PCLO: variants seen among roughly 807,000 people sequenced by gnomAD.
The protein encoded by PCLO is protein piccolo.
A neutral mutation model predicts 427.5 loss-of-function variants in PCLO; 82 were observed. The observed-to-expected ratio is 0.19, with a 90% CI of 0.16 to 0.23. The LOEUF (loss-of-function observed/expected upper bound fraction) is 0.23. Ranked by LOEUF, PCLO falls within the 10% of genes least tolerant of loss-of-function variation. The pLI is 1.00. For synonymous variants in PCLO, 2,357 were observed against 2,155.4 expected, an observed-to-expected ratio of 1.09 and a Z score of -2.59; for missense variants, 6,239 against 6,115.9, an observed-to-expected ratio of 1.02 and a Z score of -0.67.
intron 3 of PCLO, among the ~76,000 whole-genome samples, chr7:83,097,994 TA>T (rs1245859498): frequency 2.0e-5 from 3 of 152,254 alleles, no homozygotes; most frequent in African/African-American, 7.2e-5. Context: ...TTTGTTAATA[TA>T]AAAATGTAAA....
chr7:82,771,910 T>G (rs1321414795), intron 22 of PCLO, among the ~76,000 whole-genome samples: 1 of 152,122 alleles, frequency 6.6e-6, no homozygotes, highest in Admixed American at 6.6e-5. Context: ...CTTACCCATT[T>G]CCTTTCCAAA....
chr7:82,856,453 A>G (rs1421946242), intron 10 of PCLO, among the ~76,000 whole-genome samples: 1 of 152,140 alleles, frequency 6.6e-6, no homozygotes, highest in East Asian at 1.9e-4. Flanking sequence ...ATTGGTATAG[A>G]TGCCAAAAGC....
intron 7 of PCLO, chr7:82,914,314 C>A: frequency 2.2e-6 from 1 of 454,062 alleles, no homozygotes; most frequent in Non-Finnish European, 3.8e-6. Flanking sequence ...TGACCAATAA[C>A]TTTTAAAATA....
intron 3 of PCLO, among the ~76,000 whole-genome samples, chr7:83,132,135 T>C (rs1398699534): frequency 6.6e-6 from 1 of 152,110 alleles, no homozygotes; most frequent in East Asian, 1.9e-4. Flanking sequence ...CCAAGTGAAC[T>C]TTACCTAGAA....
intron 7 of PCLO, among the ~76,000 whole-genome samples, chr7:82,912,287 T>C (rs992654465): frequency 2.3e-4 from 35 of 151,994 alleles, no homozygotes; most frequent in Non-Finnish European, 3.5e-4. Context: ...TGGAAAAAAG[T>C]AGTTTCTTCT....
At chr7:82,815,459 T>C (rs1421409040) in intron 20 of PCLO, among the ~76,000 whole-genome samples, 1 of 152,132 alleles carries the variant, frequency 6.6e-6, no homozygotes, top group African/African-American at 2.4e-5. Context: ...AATTAGGTAG[T>C]TGTAAAAATA....
At chr7:82,978,035 TA>T (rs1251484102) in intron 3 of PCLO, among the ~76,000 whole-genome samples, 5 of 152,082 alleles carry the variant, frequency 3.3e-5, no homozygotes, top group Non-Finnish European at 5.9e-5. Flanking sequence ...ATTAAAGTTT[TA>T]GTACCATTTG....
In PCLO at chr7:82,956,436, C is replaced by T. The variant is rs1795522299; in HGVS notation, c.4517G>A (p.Arg1506Lys). The change falls in exon 5 of 25, where the codon AGA becomes AAA. Residue 1506 changes from arginine to lysine, a missense_variant. Physicochemically the swap from Arg to Lys is conservative, Grantham distance 26. Transcript: ENST00000333891. ...TTCAACTGAATCATAAGGCTCTCTT[C>T]TAGTAGTTATGTCATCAACAAACTC... ...KSEFVDDITT[R>K]REPYDSVEES... The T allele has an allele frequency of 6.2e-7, 1 of 1,613,686 alleles. No homozygotes were observed. Among genetic ancestry groups the T allele is most frequent in the African/African-American group, 1.3e-5 (1 of 74,932 alleles).
In PCLO at chr7:83,134,552, T is replaced by C; in HGVS notation, c.2998A>G (p.Thr1000Ala). Residue 1000 changes from threonine to alanine, a missense_variant, in exon 3 of 25, where the codon ACA becomes GCA. Thr to Ala is a moderately conservative substitution (Grantham distance 58). This residue lies in a region of PCLO where 4,677 missense variants were observed against 4,468.4 expected (regional missense o/e 1.05). Coordinates refer to ENST00000333891, the MANE Select transcript of PCLO (RefSeq NM_033026.6). ...AATTTTTCAGCTGCTGGGGCTTTTG[T>C]TTCCTTTTTCACAGGTATACTTTTT... ...PAKSIPVKKE[T>A]KAPAAEKLEP... is the part of the protein sequence containing the mutation. 1 of 1,613,944 alleles carries C rather than the reference T, an allele frequency of 6.2e-7. No homozygotes were observed. The highest frequency in any genetic ancestry group is 1.1e-5 in the South Asian group (1 of 91,076).
chr7:82,871,466 G>T (rs1010348404), intron 10 of PCLO, among the ~76,000 whole-genome samples: 3 of 151,800 alleles, frequency 2.0e-5, no homozygotes, highest in Admixed American at 6.6e-5. Flanking sequence ...TGGTGTGGAG[G>T]GGGGAATGAT....
At chr7:82,811,561 T>G (rs1335495755) in intron 20 of PCLO, among the ~76,000 whole-genome samples, 2 of 151,700 alleles carry the variant, frequency 1.3e-5, no homozygotes, top group Admixed American at 6.6e-5. Flanking sequence ...CCTTGAATTA[T>G]GTACAATCAC....
rs181093956 is a variant in PCLO at position 82,999,615 on chromosome 7, T to C, written c.3301-33128A>G. Among the ~76,000 whole-genome samples the C allele has an allele frequency of 4.1e-3, 119 of 28,950 alleles. 26 individuals are homozygous for C. Among genetic ancestry groups the C allele is most frequent in the African/African-American group, 6.9e-3 (35 of 5,072 alleles). 19.0% of individuals were successfully genotyped at this position (28,950 alleles called of 152,430 possible). On this transcript the variant is annotated intron_variant, in intron 3 of 24. Transcript: ENST00000333891. ...ATAAAATATAATATTATATATAAAATATAAAATATAATATTATATTAAAAT... is the reference window on the plus strand; with the variant it reads ...ATAAAATATAATATTATATATAAAACATAAAATATAATATTATATTAAAAT...
At position 82,954,976 on chromosome 7, in the gene PCLO, T is replaced by G; in HGVS notation, c.5977A>C (p.Ile1993Leu). The change falls in exon 5 of 25, where the codon ATA becomes CTA. Residue 1993 changes from isoleucine to leucine, a missense_variant. Coordinates refer to ENST00000333891, the MANE Select transcript of PCLO (RefSeq NM_033026.6). Reference sequence around the variant, plus strand: ...TCATAAATCTGTTCTGAAAGTCTTATCTTTTGCTCTCTTCCTTTCTGCTGC... The same window carrying G: ...TCATAAATCTGTTCTGAAAGTCTTAGCTTTTGCTCTCTTCCTTTCTGCTGC... The part of the protein sequence containing the change: ...FMQQKGREQK[I>L]RLSEQIYEDP... 1 of 1,613,864 alleles carries G rather than the reference T, an allele frequency of 6.2e-7. No homozygotes were observed. Among genetic ancestry groups the G allele is most frequent in the Non-Finnish European group, 8.5e-7 (1 of 1,179,880 alleles).
intron 3 of PCLO, among the ~76,000 whole-genome samples, chr7:83,128,091 T>C (rs1009620717): frequency 6.6e-6 from 1 of 152,136 alleles, no homozygotes; most frequent in Non-Finnish European, 1.5e-5. Context: ...TTAATTGCAC[T>C]TGAATGAATT....
chr7:83,075,629 G>T (rs1037949575), intron 3 of PCLO, among the ~76,000 whole-genome samples: 8 of 152,032 alleles, frequency 5.3e-5, no homozygotes, highest in Admixed American at 4.6e-4. Context: ...GACTTTTAAT[G>T]CATTTTTAAA....
At chr7:83,024,480 T>C (rs1464069728) in intron 3 of PCLO, among the ~76,000 whole-genome samples, 2 of 152,150 alleles carry the variant, frequency 1.3e-5, no homozygotes, top group Non-Finnish European at 2.9e-5. Flanking sequence ...CGCTGATTGC[T>C]AGCACGGCAG....
At chr7:82,862,665 T>G (rs1792990199) in intron 10 of PCLO, among the ~76,000 whole-genome samples, 1 of 151,690 alleles carries the variant, frequency 6.6e-6, no homozygotes. Context: ...GGGGTACTAT[T>G]CAGCCATAAA....
At chr7:83,088,578 T>C (rs1020832445) in intron 3 of PCLO, among the ~76,000 whole-genome samples, 3 of 152,158 alleles carry the variant, frequency 2.0e-5, no homozygotes, top group African/African-American at 4.8e-5. Context: ...TTGACTCCAC[T>C]AGTATATTGC....
chr7:83,150,909 C>T (rs1792112705), intron 2 of PCLO, among the ~76,000 whole-genome samples: 1 of 152,128 alleles, frequency 6.6e-6, no homozygotes, highest in Non-Finnish European at 1.5e-5. Flanking sequence ...CAACTTGACC[C>T]AGAGTGTTAC....
Sources: allele counts gnomAD v4.1 joint callset (sites outside exome capture counted in the v4.1 genomes callset), GRCh38; gene constraint gnomAD v4.1.1; regional missense constraint gnomAD v4.1.1; transcripts MANE v1.5; gene names NCBI Gene and HGNC (gene_info 2026-07-23, HGNC 2026-07-21).